Variants in BTBD9 observed in about 807,000 individuals in gnomAD.
BTBD9 encodes the protein BTB/POZ domain-containing protein 9.
Under a neutral mutation model 64.3 loss-of-function variants are expected in BTBD9, and 49 were observed. The observed-to-expected ratio is 0.76, with a 90% CI of 0.61 to 0.97. The LOEUF is 0.97. Among genes scored for constraint, BTBD9 ranks in the 50% least tolerant of loss-of-function variants. BTBD9 has a pLI of 0.00. For missense variants in BTBD9, 598 were observed against 762.1 expected, an observed-to-expected ratio of 0.78 and a Z score of 2.53; for synonymous variants, 260 against 274.7, an observed-to-expected ratio of 0.95 and a Z score of 0.53.
At chr6:38,189,415 C>A (rs192992776) in intron 10 of BTBD9, among the ~76,000 whole-genome samples, 50 of 152,310 alleles carry the variant, frequency 3.3e-4, no homozygotes, top group Admixed American at 7.8e-4. Context: ...TGTCCCAGAA[C>A]CCAGTATGCT....
chr6:38,588,865 T>C (rs17543429), intron 4 of BTBD9, among the ~76,000 whole-genome samples: 27,661 of 152,224 alleles, frequency 0.18, 3,209 homozygotes, highest in Non-Finnish European at 0.27. Flanking sequence ...ATTAACATGA[T>C]GTACTAAAAG....
intron 7 of BTBD9, among the ~76,000 whole-genome samples, chr6:38,299,813 T>A (rs1446198289): frequency 6.6e-6 from 1 of 152,202 alleles, no homozygotes; most frequent in East Asian, 1.9e-4. Context: ...AGGTTGCCTG[T>A]TCACTCTGAT....
At chr6:38,454,454 T>TATATTTAATTATCTTAAATATAGGGCCA (rs1356157277) in intron 6 of BTBD9, among the ~76,000 whole-genome samples, 5 of 149,348 alleles carry the variant, frequency 3.3e-5, no homozygotes, top group Admixed American at 1.3e-4. Flanking sequence ...ATATTGGCCC[T>TATATTTAATTATCTTAAATATAGGGCCA]ATATTTAATT....
intron 6 of BTBD9, among the ~76,000 whole-genome samples, chr6:38,487,584 A>T (rs1771506609): frequency 2.6e-5 from 3 of 114,418 alleles, no homozygotes; most frequent in African/African-American, 1.1e-4. Flanking sequence ...AGACAGAGAG[A>T]GAGTCAGCGA....
At chr6:38,571,482 CTATT>C (rs2127466330) in intron 6 of BTBD9, among the ~76,000 whole-genome samples, 1 of 150,448 alleles carries the variant, frequency 6.6e-6, no homozygotes, top group East Asian at 1.9e-4. Context: ...TATGCTGTAT[CTATT>C]GACACCAGGA....
chr6:38,513,187 G>C (rs1772851590), intron 6 of BTBD9, among the ~76,000 whole-genome samples: 1 of 152,140 alleles, frequency 6.6e-6, no homozygotes, highest in Admixed American at 6.6e-5. Context: ...TGGATGCAGT[G>C]GCTCATGCCT....
At chr6:38,558,418 G>A (rs558472443) in intron 6 of BTBD9, among the ~76,000 whole-genome samples, 1 of 152,214 alleles carries the variant, frequency 6.6e-6, no homozygotes, top group African/African-American at 2.4e-5. Flanking sequence ...CTCTGGCTAG[G>A]ACCTTCAGTA....
chr6:38,202,898 A>C (rs998988439), intron 9 of BTBD9, among the ~76,000 whole-genome samples: 19 of 152,216 alleles, frequency 1.2e-4, no homozygotes, highest in Admixed American at 1.0e-3. Flanking sequence ...GTAAATAATC[A>C]ATAGAGTGAT....
chr6:38,266,772 T>C (rs1765021516), intron 8 of BTBD9, among the ~76,000 whole-genome samples: 1 of 152,056 alleles, frequency 6.6e-6, no homozygotes, highest in African/African-American at 2.4e-5. Flanking sequence ...AAAAGCATTC[T>C]TATATTTTGG....
intron 7 of BTBD9, among the ~76,000 whole-genome samples, chr6:38,299,565 G>A (rs1441611520): frequency 1.3e-5 from 2 of 152,162 alleles, no homozygotes; most frequent in Non-Finnish European, 2.9e-5. Context: ...GGTGTGAGAT[G>A]GTATCTCATT....
chr6:38,609,961 G>T (rs1777555905), intron 1 of BTBD9, among the ~76,000 whole-genome samples: 1 of 152,128 alleles, frequency 6.6e-6, no homozygotes, highest in South Asian at 2.1e-4. Flanking sequence ...TGTAACAGAA[G>T]CTTACAATGC....
At chr6:38,472,234 G>A (rs921623933) in intron 6 of BTBD9, among the ~76,000 whole-genome samples, 1 of 152,142 alleles carries the variant, frequency 6.6e-6, no homozygotes, top group Non-Finnish European at 1.5e-5. Flanking sequence ...TTTACATACA[G>A]TGCAAATATA....
chr6:38,592,433 A>C, intron 4 of BTBD9, 143 bp downstream of exon 4: 1 of 883,672 alleles, frequency 1.1e-6, no homozygotes. Context: ...TGAAAGGGAA[A>C]GACATTCCAT....
At chr6:38,201,586 T>C (rs1342157187) in intron 9 of BTBD9, among the ~76,000 whole-genome samples, 4 of 152,194 alleles carry the variant, frequency 2.6e-5, no homozygotes, top group South Asian at 2.1e-4. Context: ...CTAGAAGTCA[T>C]AGGCAGGGCA....
intron 8 of BTBD9, among the ~76,000 whole-genome samples, chr6:38,287,362 C>T (rs943179829): frequency 6.6e-6 from 1 of 151,650 alleles, no homozygotes; most frequent in African/African-American, 2.4e-5. Flanking sequence ...AAGCTGGTCT[C>T]GAACTCCTGA....
intron 8 of BTBD9, among the ~76,000 whole-genome samples, chr6:38,258,159 T>C (rs1048769871): frequency 6.6e-6 from 1 of 151,984 alleles, no homozygotes; most frequent in South Asian, 2.1e-4. Flanking sequence ...CTAATTTTTG[T>C]AGTTTTAGTA....
intron 8 of BTBD9, among the ~76,000 whole-genome samples, chr6:38,260,560 G>A (rs918014828): frequency 4.6e-5 from 7 of 152,186 alleles, no homozygotes; most frequent in African/African-American, 1.7e-4. Context: ...GATAAATTAT[G>A]AGTATCATAT....
At chr6:38,360,970 G>GGGA (rs1764930488) in intron 6 of BTBD9, among the ~76,000 whole-genome samples, 1 of 152,102 alleles carries the variant, frequency 6.6e-6, no homozygotes, top group South Asian at 2.1e-4. Flanking sequence ...ATCAGTGTAA[G>GGGA]GGAGGACCAG....
chr6:38,320,293 T>G (rs1246537472), intron 7 of BTBD9, among the ~76,000 whole-genome samples: 1 of 152,198 alleles, frequency 6.6e-6, no homozygotes, highest in Non-Finnish European at 1.5e-5. Context: ...CTTGTCAAAT[T>G]TGGTGTTCCT....
Sources: allele counts gnomAD v4.1 joint callset (sites outside exome capture counted in the v4.1 genomes callset), GRCh38; gene constraint gnomAD v4.1.1; transcripts MANE v1.5; gene names NCBI Gene and HGNC (gene_info 2026-07-23, HGNC 2026-07-21).